The following TTC3 variants were observed in gnomAD, a reference collection of about 807,000 sequenced individuals.
TTC3 encodes tetratricopeptide repeat domain 3.
TTC3 carries 180 observed loss-of-function variants against 249.6 expected under a neutral mutation model. That is an observed-to-expected ratio of 0.72 (90% CI 0.64 to 0.82). The LOEUF is 0.82. TTC3 is among the 40% of genes least tolerant of loss of function. The pLI, the probability that TTC3 is intolerant of heterozygous loss-of-function variation, is 0.00. For missense variants in TTC3, 2,061 were observed against 2,398.4 expected (o/e 0.86, Z 2.94); for synonymous variants, 717 against 805.0 (o/e 0.89, Z 1.85).
chr21:37,168,939 A>T (rs910650163), intron 34 of TTC3, among the ~76,000 whole-genome samples: 5 of 152,136 alleles, frequency 3.3e-5, no homozygotes, highest in African/African-American at 1.2e-4. Flanking sequence ...TGGCAAGCGG[A>T]TGTTGGCAGT....
chr21:37,078,086 A>G (rs984138336), intron 1 of TTC3, among the ~76,000 whole-genome samples: 1 of 151,914 alleles, frequency 6.6e-6, no homozygotes, highest in Non-Finnish European at 1.5e-5. Flanking sequence ...TCCCTGTACC[A>G]TGTATTGAAT....
At chr21:37,133,293 A>T (rs2077630770) in intron 17 of TTC3, among the ~76,000 whole-genome samples, 2 of 152,206 alleles carry the variant, frequency 1.3e-5, no homozygotes, top group African/African-American at 2.4e-5. Context: ...TTACTTCATG[A>T]TGGAAAATAT....
intron 37 of TTC3, 48 bp downstream of exon 37, chr21:37,185,822 GC>G: frequency 8.5e-7 from 1 of 1,177,710 alleles, no homozygotes; most frequent in Non-Finnish European, 1.2e-6. Flanking sequence ...TACTTTTAAT[GC>G]CAGGAGTACA....
chr21:37,179,724 T>C (rs907248779), intron 35 of TTC3, among the ~76,000 whole-genome samples: 3 of 152,138 alleles, frequency 2.0e-5, no homozygotes, highest in African/African-American at 7.2e-5. Flanking sequence ...AAGGTAGAAC[T>C]CCTGGGCTCA....
chr21:37,088,103 C>T (rs2072749763), intron 3 of TTC3, 93 bp from the exon 4 acceptor site: 2 of 1,157,152 alleles, frequency 1.7e-6, no homozygotes, highest in Non-Finnish European at 2.4e-6. Context: ...TTTCTTCCCT[C>T]TCCATATCCA....
chr21:37,084,200 G>A (rs898095740), intron 1 of TTC3: 1 of 152,142 alleles, frequency 6.6e-6, no homozygotes, highest in African/African-American at 2.4e-5. Flanking sequence ...ATTGGGTGGC[G>A]GGGAATGGAG....
At chr21:37,154,960 G>T (rs969038211) in intron 27 of TTC3, among the ~76,000 whole-genome samples, 1 of 152,278 alleles carries the variant, frequency 6.6e-6, no homozygotes. Context: ...CTCCTAAAGT[G>T]CTGGGATTAC....
In TTC3 at chr21:37,150,812, A is replaced by C. The variant is rs2079395387; in HGVS notation, c.2212-8A>C. The C allele has an allele frequency of 1.9e-6, 3 of 1,607,418 alleles. No homozygotes were observed. Among genetic ancestry groups the C allele is most frequent in the African/African-American group, 1.3e-5 (1 of 74,830 alleles). On this transcript the variant is annotated splice_polypyrimidine_tract_variant and splice_region_variant and intron_variant, in intron 24 of 45. Coordinates refer to ENST00000355666, the Ensembl canonical transcript of TTC3. ...GACAAATTTTGGATGTCTTTGTTTT[A>C]TTTAAAGTTTGAACACAAGGTCATA... is the stretch of plus-strand genomic sequence containing the variant.
intron 10 of TTC3, among the ~76,000 whole-genome samples, chr21:37,103,032 A>G (rs2074669268): frequency 2.0e-5 from 3 of 152,190 alleles, no homozygotes. Context: ...GAGAAAAAGA[A>G]GAGGTGAAGC....
In TTC3 at chr21:37,108,458, C is replaced by G. The variant is rs377403218; in HGVS notation, c.900+12C>G. On this transcript the variant is annotated intron_variant, in intron 11 of 45. Transcript: ENST00000355666. Reference sequence around the variant, plus strand: ...ACACTTGGCCAAAGGTAGGTTTCTTCTGTATTTTATATTGAGCAAATAATG... The same window carrying G: ...ACACTTGGCCAAAGGTAGGTTTCTTGTGTATTTTATATTGAGCAAATAATG... 8 of 1,611,218 alleles carry G rather than the reference C, an allele frequency of 5.0e-6. No individual in the cohort carries two copies. The African/African-American group carries it at 1.1e-4, about 22-fold the overall frequency.
chr21:37,123,201 T>A (rs1388901606), intron 13 of TTC3, among the ~76,000 whole-genome samples, 173 bp downstream of exon 13: 3 of 152,178 alleles, frequency 2.0e-5, no homozygotes, highest in Non-Finnish European at 4.4e-5. Context: ...ACCTGTAAGT[T>A]GTCAGATTTA....
rs563100740 is a variant in TTC3 at position 37,074,721 on chromosome 21, G to A, written c.-12+1357G>A. 2.6e-5 allele frequency among the ~76,000 whole-genome samples: 4 copies of A among 152,242 alleles called. No individual in the cohort carries two copies. In the South Asian group the frequency reaches 8.3e-4, roughly 32 times the overall value. On this transcript the variant is annotated intron_variant, in intron 1 of 45. Transcript: ENST00000355666. The stretch of plus-strand genomic sequence containing the variant: ...TGGGATATAGTATAAGGATACCTAG[G>A]GTAAGAAACTTCAAACCCCTTAGAG...
chr21:37,154,113 A>G lies in TTC3; in HGVS notation c.2740+836A>G, dbSNP rs974610388. Among the ~76,000 whole-genome samples the G allele has an allele frequency of 2.6e-5, 4 of 152,324 alleles. No homozygotes were observed. In the East Asian group the frequency reaches 7.7e-4, roughly 29 times the overall value. On this transcript the variant is annotated intron_variant, in intron 27 of 45. Coordinates refer to ENST00000355666, the Ensembl canonical transcript of TTC3. ...CGAGGTAGGGATGCTTTGGGCACCT[A>G]CCAGGGCACTATTTATCTTGCTGAC...
chr21:37,192,256 A>G lies in TTC3; in HGVS notation c.5217+43A>G, dbSNP rs766267236. On this transcript the variant is annotated intron_variant, in intron 41 of 45. Transcript: ENST00000355666. Reference sequence around the variant, plus strand: ...TTTTTTTTTTTTTAAACCATAATTCATTTGTTAACTGGCCAAAGTAGTTAT... The same window carrying G: ...TTTTTTTTTTTTTAAACCATAATTCGTTTGTTAACTGGCCAAAGTAGTTAT... The G allele has an allele frequency of 3.5e-5, 46 of 1,318,344 alleles. No individual in the cohort carries two copies. The East Asian group carries it at 8.2e-4, about 24-fold the overall frequency. The allele number at this position is 1,318,344 out of a possible 1,614,324, so 81.7% of individuals were successfully genotyped here.
intron 12 of TTC3, among the ~76,000 whole-genome samples, chr21:37,122,195 A>G (rs1286266507): frequency 6.6e-6 from 1 of 151,932 alleles, no homozygotes. Flanking sequence ...TGTACTTTTT[A>G]TTTGAAACAG....
At chr21:37,166,202 C>G (rs1324081533) in exon 33 of TTC3, 1 of 1,614,164 alleles carries the variant, frequency 6.2e-7, no homozygotes, top group South Asian at 1.1e-5. Flanking sequence ...TGATATCACC[C>G]AGACACCGCC....
chr21:37,134,365 C>T (rs545744489), intron 17 of TTC3, among the ~76,000 whole-genome samples: 3 of 152,018 alleles, frequency 2.0e-5, no homozygotes, highest in South Asian at 2.1e-4. Context: ...GCAGGAGAAT[C>T]GCTTGAACCC....
Position 37,165,885 on chromosome 21 carries a change from C to G in TTC3, c.3671C>G (p.Ser1224Ter), listed in dbSNP as rs137858794. The G allele has an allele frequency of 3.6e-5, 58 of 1,614,242 alleles. 1 individual carries two copies. In the South Asian group the frequency reaches 6.1e-4, roughly 17 times the overall value. The change falls in exon 33 of 46, where the codon TCA (serine) becomes TGA (stop). Residue 1224 changes from serine (S) to a stop codon, truncating the protein, a stop_gained. Coordinates refer to ENST00000355666, the Ensembl canonical transcript of TTC3. LOFTEE classifies it high-confidence loss of function. Reference sequence around the variant, plus strand: ...CCAGATGTAAAGTCTAAACCAGTGTCAGATTCATCTTCAGCACCAGCTTTT... The same window carrying G: ...CCAGATGTAAAGTCTAAACCAGTGTGAGATTCATCTTCAGCACCAGCTTTT...
At position 37,189,286 on chromosome 21, in the gene TTC3, C is replaced by A. The variant is rs538902079; in HGVS notation, c.5024+691C>A. Among the ~76,000 whole-genome samples the A allele has an allele frequency of 1.1e-3, 166 of 152,318 alleles. 1 individual carries two copies. Among genetic ancestry groups the A allele is most frequent in the African/African-American group, 3.6e-3 (150 of 41,570 alleles). On this transcript the variant is annotated intron_variant, in intron 39 of 45. Transcript: ENST00000355666. ...TTTGCGACAGAGTCTCGCTCTGCCA[C>A]CCAGGCTGGAGTGCAGTGGCCTGAT...
Sources: gnomAD v4.1 joint callset for allele counts (sites outside exome capture counted in the v4.1 genomes callset) on GRCh38, gnomAD v4.1.1 for gene constraint, MANE v1.5 for transcripts, NCBI Gene and HGNC (gene_info 2026-07-23, HGNC 2026-07-21) for gene names.